Variants in NLRP3 observed in about 807,000 individuals in gnomAD.
NLRP3 encodes NACHT, LRR and PYD domains-containing protein 3.
Under a neutral mutation model 91.3 loss-of-function variants are expected in NLRP3, and 48 were observed. That is an observed-to-expected ratio of 0.53 (90% CI 0.42 to 0.67). NLRP3 has a LOEUF of 0.67. Ranked by LOEUF, NLRP3 falls within the 30% of genes least tolerant of loss-of-function variation. The pLI is 0.00. For missense variants in NLRP3, 982 were observed against 1,276.9 expected (o/e 0.77, Z 3.52); for synonymous variants, 561 against 507.9 (o/e 1.10, Z -1.41).
chr1:247,448,321 A>C, intron 9 of NLRP3, 84 bp from the exon 10 acceptor site: 1 of 729,752 alleles, frequency 1.4e-6, no homozygotes, highest in Non-Finnish European at 2.5e-6. Context: ...GTTTAGGGAA[A>C]TGAAGAGATG....
intron 7 of NLRP3, among the ~76,000 whole-genome samples, chr1:247,439,845 T>A (rs1664079239): frequency 6.6e-6 from 1 of 152,248 alleles, no homozygotes; most frequent in African/African-American, 2.4e-5. Context: ...TTTAATCAAA[T>A]CATGCATTTT....
intron 2 of NLRP3, among the ~76,000 whole-genome samples, chr1:247,420,244 T>C (rs575773767): frequency 6.6e-6 from 1 of 152,320 alleles, no homozygotes; most frequent in African/African-American, 2.4e-5. Flanking sequence ...AGTTCTTTTC[T>C]CATTTTCAGA....
chr1:247,435,892 G>C, intron 6 of NLRP3, 78 bp from the exon 7 acceptor site: 2 of 1,329,086 alleles, frequency 1.5e-6, no homozygotes, highest in Non-Finnish European at 2.2e-6. Context: ...TAGAGGCAGT[G>C]GCAGGTACGG....
chr1:247,424,330 G>A lies in NLRP3; in HGVS notation c.881G>A (p.Arg294Lys), dbSNP rs1662697946. The A allele has an allele frequency of 2.5e-6, 4 of 1,611,672 alleles. No individual in the cohort carries two copies. The Admixed American group carries it at 5.0e-5, about 20-fold the overall frequency. The change falls in exon 4 of 10, where the codon AGA becomes AAA. Residue 294 changes from arginine to lysine, a missense_variant. Physicochemically the swap from Arg to Lys is conservative, Grantham distance 26 (BLOSUM62 2). Around this residue, in one of 5 missense-constraint regions of NLRP3, gnomAD observed 548 missense variants for 713.7 expected, o/e 0.77. Coordinates refer to ENST00000336119, the MANE Select transcript of NLRP3 (RefSeq NM_001243133.2). This position sits in a 1 kb window ranked among gnomAD's most constrained non-coding sequence, Gnocchi z 8.1. ...CACAAGATCGTGAGAAAACCCTCCA[G>A]AATCCTCTTCCTCATGGACGGCTTC... ...PIHKIVRKPS[R>K]ILFLMDGFDE...
intron 7 of NLRP3, among the ~76,000 whole-genome samples, chr1:247,440,678 A>C (rs962152010): frequency 6.6e-6 from 1 of 152,156 alleles, no homozygotes; most frequent in Non-Finnish European, 1.5e-5. Flanking sequence ...CATACCACCC[A>C]GAGTGCCTGA....
rs1323899420 is a variant in NLRP3 at position 247,423,315 on chromosome 1, C to T, written c.363C>T (p.Tyr121=). 5 of 1,613,822 alleles carry T rather than the reference C, an allele frequency of 3.1e-6. No homozygotes were observed. Among genetic ancestry groups the T allele is most frequent in the South Asian group, 2.2e-5 (2 of 91,074 alleles). Reference sequence around the variant, plus strand: ...AGGAGTGGATGGGTTTACTGGAGTACCTTTCGAGAATCTCTATTTGTAAAA... The same window carrying T: ...AGGAGTGGATGGGTTTACTGGAGTATCTTTCGAGAATCTCTATTTGTAAAA... The part of the protein sequence containing the change: ...IEEEWMGLLE[Y]LSRISICKMK... The change falls in exon 3 of 10, where the codon TAC becomes TAT. Residue 121 remains tyrosine, a synonymous_variant. Coordinates refer to ENST00000336119, the MANE Select transcript of NLRP3 (RefSeq NM_001243133.2).
At chr1:247,448,361 G>C in intron 9 of NLRP3, 44 bp from the exon 10 acceptor site, 1 of 974,994 alleles carries the variant, frequency 1.0e-6, no homozygotes, top group Non-Finnish European at 1.6e-6. Context: ...CTCTGACAGA[G>C]TTATCTGAAG....
Position 247,425,660 on chromosome 1 carries a change from T to G in NLRP3, c.2150+61T>G. 1 of 1,466,830 alleles carries G rather than the reference T, an allele frequency of 6.8e-7. No homozygotes were observed. Among genetic ancestry groups the G allele is most frequent in the Non-Finnish European group, 9.4e-7 (1 of 1,061,326 alleles). 90.9% of individuals were successfully genotyped at this position (1,466,830 alleles called of 1,614,324 possible). On this transcript the variant is annotated intron_variant, in intron 4 of 9. Coordinates refer to ENST00000336119, the MANE Select transcript of NLRP3 (RefSeq NM_001243133.2). This position sits in a 1 kb window ranked among gnomAD's most constrained non-coding sequence, Gnocchi z 4.1. ...TTCCTCGCCAGCTTCTTCTTGGCGC[T>G]TGCCTCCTCTCATCTCTTTTCAACT...
At chr1:247,437,699 T>C (rs1219515734) in intron 7 of NLRP3, among the ~76,000 whole-genome samples, 1 of 152,226 alleles carries the variant, frequency 6.6e-6, no homozygotes, top group Admixed American at 6.5e-5. Context: ...TCACAACCGT[T>C]CTTTTAGGGA....
At chr1:247,429,833 C>T (rs1367100510) in intron 5 of NLRP3, 78 bp downstream of exon 5, 2 of 1,547,950 alleles carry the variant, frequency 1.3e-6, no homozygotes, top group South Asian at 2.2e-5. Context: ...GGAGAAAGAT[C>T]TTCAGGACCA....
rs781561828 is a variant in NLRP3 at position 247,425,547 on chromosome 1, G to A, written c.2098G>A (p.Asp700Asn). 19 of 1,612,560 alleles carry A rather than the reference G, an allele frequency of 1.2e-5. No homozygotes were observed. The Admixed American group carries it at 2.3e-4, about 20-fold the overall frequency. The change falls in exon 4 of 10, where the codon GAT becomes AAT. Residue 700 changes from aspartate to asparagine, a missense_variant. Asp to Asn is a conservative substitution (Grantham distance 23, BLOSUM62 1). Transcript: ENST00000336119. This position sits in a 1 kb window ranked among gnomAD's most constrained non-coding sequence, Gnocchi z 4.1. Reference sequence around the variant, plus strand: ...GGAGGAAAAGGAAGGCCGACACCTTGATATGGTGCAGTGTGTCCTCCCAAG... The same window carrying A: ...GGAGGAAAAGGAAGGCCGACACCTTAATATGGTGCAGTGTGTCCTCCCAAG... ...EEEEKEGRHL[D>N]MVQCVLPSSS...
chr1:247,439,793 G>A (rs143505181), intron 7 of NLRP3, among the ~76,000 whole-genome samples: 25 of 105,254 alleles, frequency 2.4e-4, no homozygotes, highest in African/African-American at 7.1e-4. Context: ...TAGATCTATC[G>A]ATTGGGGCAT....
At chr1:247,435,684 G>T (rs1663737907) in intron 6 of NLRP3, among the ~76,000 whole-genome samples, 1 of 152,196 alleles carries the variant, frequency 6.6e-6, no homozygotes, top group African/African-American at 2.4e-5. Flanking sequence ...GCCATTAATT[G>T]TGCACTTAAA....
chr1:247,432,656 C>T (rs764407317), intron 5 of NLRP3, among the ~76,000 whole-genome samples: 11 of 152,098 alleles, frequency 7.2e-5, no homozygotes, highest in Admixed American at 5.2e-4. Flanking sequence ...TGAGATGCTT[C>T]GCAGAGAAGT....
At chr1:247,429,852 G>A in intron 5 of NLRP3, 97 bp downstream of exon 5, 1 of 1,481,640 alleles carries the variant, frequency 6.7e-7, no homozygotes, top group Non-Finnish European at 9.3e-7. Flanking sequence ...CAGGTTGCTG[G>A]TGTGGTTTCT....
chr1:247,425,663 C>T lies in NLRP3; in HGVS notation c.2150+64C>T. 6.9e-7 allele frequency: 1 copy of T among 1,452,694 alleles called. No homozygotes were observed. The highest frequency in any genetic ancestry group is 9.5e-7 in the Non-Finnish European group (1 of 1,048,982). The allele number at this position is 1,452,694 out of a possible 1,614,324, so 90.0% of individuals were successfully genotyped here. A position where few individuals can be genotyped will look rare whatever the true frequency, so the allele number is the denominator to read the frequency against. ...CTCGCCAGCTTCTTCTTGGCGCTTG[C>T]CTCCTCTCATCTCTTTTCAACTATC... On this transcript the variant is annotated intron_variant, in intron 4 of 9. Transcript: ENST00000336119. This position sits in a 1 kb window ranked among gnomAD's most constrained non-coding sequence, Gnocchi z 4.1.
intron 5 of NLRP3, 143 bp downstream of exon 5, chr1:247,429,898 G>A (rs948468497): frequency 3.7e-5 from 41 of 1,096,094 alleles, no homozygotes; most frequent in Non-Finnish European, 5.0e-5. Flanking sequence ...TTTTGAGGCA[G>A]AGTTTTGCTC....
intron 2 of NLRP3, among the ~76,000 whole-genome samples, chr1:247,421,041 G>A (rs1329055689): frequency 6.6e-6 from 1 of 152,184 alleles, no homozygotes; most frequent in East Asian, 1.9e-4. Flanking sequence ...CGTGGAGTTT[G>A]GGGCAGAAGC....
Position 247,429,580 on chromosome 1 carries a change from C to T in NLRP3, c.2151-5C>T. On this transcript the variant is annotated splice_region_variant and splice_polypyrimidine_tract_variant and intron_variant, in intron 4 of 9. Transcript: ENST00000336119. ...TTTTCTGTCTGTCTTCCTTCTAATT[C>T]CTAGATTGGTGAACAGCCACCTCAC... 2 of 1,614,106 alleles carry T rather than the reference C, an allele frequency of 1.2e-6. No homozygotes were observed. The highest frequency in any genetic ancestry group is 1.7e-6 in the Non-Finnish European group (2 of 1,179,970).
Sources: allele counts gnomAD v4.1 joint callset (sites outside exome capture counted in the v4.1 genomes callset), GRCh38; gene constraint gnomAD v4.1.1; regional missense constraint gnomAD v4.1.1; non-coding constraint Gnocchi (gnomAD v3.1); transcripts MANE v1.5; gene names NCBI Gene and HGNC (gene_info 2026-07-23, HGNC 2026-07-21).